The following NOSTRIN variants were observed in gnomAD, a reference collection of about 807,000 sequenced individuals.
The protein encoded by NOSTRIN is nitric oxide synthase trafficking.
A neutral mutation model predicts 59.0 loss-of-function variants in NOSTRIN; 63 were observed. That is an observed-to-expected ratio of 1.07 (90% confidence interval 0.87 to 1.32). The LOEUF (loss-of-function observed/expected upper bound fraction) is 1.32, where lower values mean the gene tolerates loss of function less well. Ranked by LOEUF, NOSTRIN falls within the 40% of genes most tolerant of loss-of-function variation. The pLI, the probability that NOSTRIN is intolerant of heterozygous loss-of-function variation, is 0.00. For missense variants in NOSTRIN, 512 were observed against 473.1 expected, an observed-to-expected ratio of 1.08 and a Z score of -0.76; for synonymous variants, 200 against 165.4, an observed-to-expected ratio of 1.21 and a Z score of -1.61.
rs189033498 is a variant in NOSTRIN at position 168,859,540 on chromosome 2, C to T, written c.1082C>T (p.Ala361Val). ...ENNLKLDLLE[A>V]NSYKLSSMLA... ...AATTTGAAACTAGACCTTTTGGAAG[C>T]GAACTCCTACAAACTGTCATCAATG... The change falls in exon 13 of 16, where the codon GCG (alanine) becomes GTG (valine). Residue 361 changes from alanine (A) to valine (V), a missense_variant. By Grantham distance (64) the Ala-to-Val change is moderately conservative (BLOSUM62 0). Transcript: ENST00000317647. 162 of 1,614,038 alleles carry T rather than the reference C, an allele frequency of 1.0e-4. No homozygotes were observed. In the Admixed American group the frequency reaches 2.1e-3, roughly 20 times the overall value.
intron 2 of NOSTRIN, among the ~76,000 whole-genome samples, chr2:168,820,718 CAAA>C (rs11452657): frequency 3.0e-5 from 4 of 133,010 alleles, no homozygotes; most frequent in Non-Finnish European, 1.6e-5. Flanking sequence ...AAAAGCTGGC[CAAA>C]AAAAAAAAAA....
intron 14 of NOSTRIN, among the ~76,000 whole-genome samples, 171 bp downstream of exon 14, chr2:168,861,080 A>AAAGTT (rs1299510617): frequency 5.3e-5 from 8 of 152,234 alleles, no homozygotes; most frequent in Non-Finnish European, 1.2e-4. Context: ...AAAATGGGAA[A>AAAGTT]AAGTTAAGAA....
chr2:168,837,300 CTTTTTTT>C (rs761309524), intron 7 of NOSTRIN, among the ~76,000 whole-genome samples: 8 of 62,176 alleles, frequency 1.3e-4, no homozygotes, highest in Admixed American at 6.1e-4. Context: ...TTTTTAACAT[CTTTTTTT>C]TTTTTTTTTT....
chr2:168,797,079 CTTTTTTTTTT>C (rs775176252), upstream of NOSTRIN, among the ~76,000 whole-genome samples: 3 of 75,032 alleles, frequency 4.0e-5, no homozygotes, highest in Non-Finnish European at 5.0e-5. Flanking sequence ...TTTCTTTTTT[CTTTTTTTTTT>C]TTTTTTTTTT....
chr2:168,863,618 GTTGAATGGGGAGTTACATT>G (rs1476227798), intron 15 of NOSTRIN: 137 of 985,152 alleles, frequency 1.4e-4, no homozygotes, highest in East Asian at 2.3e-4. Context: ...TGTCTAAGTT[GTTGAATGGGGAGTTACATT>G]TTGAATGGGG....
rs754665591 is a variant in NOSTRIN, at chr2:168,828,234, C to A, written c.260+14C>A. ...GGACCTGCATCAGTGAGTTCTCCCA[C>A]CCTGGCCTTTCTCCAACTCCAAAGG... On this transcript the variant is annotated intron_variant, in intron 4 of 15. Transcript: ENST00000317647. 2 of 872,964 alleles carry A rather than the reference C, an allele frequency of 2.3e-6. No individual in the cohort carries two copies. 54.1% of individuals were successfully genotyped at this position (872,964 alleles called of 1,614,324 possible).
chr2:168,799,453 A>G (rs916928431), upstream of NOSTRIN, among the ~76,000 whole-genome samples: 5 of 152,124 alleles, frequency 3.3e-5, no homozygotes, highest in African/African-American at 1.2e-4. Context: ...ATGCTCGGGG[A>G]CAAATGTGCT....
chr2:168,824,970 G>T (rs1376332498), intron 3 of NOSTRIN, among the ~76,000 whole-genome samples: 1 of 152,002 alleles, frequency 6.6e-6, no homozygotes, highest in Non-Finnish European at 1.5e-5. Context: ...TGTTGCCCAG[G>T]CTGGTCTTGA....
chr2:168,828,068 A>G (rs1245795280), intron 3 of NOSTRIN, 90 bp from the exon 4 acceptor site: 2 of 810,124 alleles, frequency 2.5e-6, no homozygotes, highest in African/African-American at 3.3e-5. Context: ...AATGTGGTGA[A>G]TCAGATGCGA....
intron 12 of NOSTRIN, among the ~76,000 whole-genome samples, chr2:168,858,746 C>A (rs959740196): frequency 3.3e-5 from 5 of 152,184 alleles, no homozygotes; most frequent in Admixed American, 1.3e-4. Flanking sequence ...GGCTGTGACA[C>A]CCTGGCAGGG....
chr2:168,838,830 CAG>C (rs1331944875), intron 7 of NOSTRIN, among the ~76,000 whole-genome samples: 51 of 150,386 alleles, frequency 3.4e-4, no homozygotes, highest in African/African-American at 1.2e-3. Flanking sequence ...TCTTGTTGCC[CAG>C]GCTGGAGTGC....
chr2:168,790,283 A>C (rs1202706689), intron 2 of NOSTRIN, among the ~76,000 whole-genome samples: 2 of 152,240 alleles, frequency 1.3e-5, no homozygotes, highest in African/African-American at 4.8e-5. Context: ...TTCATATGAT[A>C]AAATTAATAT....
chr2:168,821,507 T>G (rs975563671), intron 2 of NOSTRIN, among the ~76,000 whole-genome samples: 16 of 152,340 alleles, frequency 1.1e-4, no homozygotes, highest in African/African-American at 3.8e-4. Context: ...CCTAGGGATA[T>G]AGCAATGAAC....
At chr2:168,822,708 G>A (rs1686817056) in intron 2 of NOSTRIN, among the ~76,000 whole-genome samples, 1 of 152,200 alleles carries the variant, frequency 6.6e-6, no homozygotes, top group Admixed American at 6.5e-5. Flanking sequence ...TCTGTAAATA[G>A]GACATGGTAA....
chr2:168,792,112 T>C (rs1685371713), intron 2 of NOSTRIN, among the ~76,000 whole-genome samples: 1 of 152,182 alleles, frequency 6.6e-6, no homozygotes, highest in Non-Finnish European at 1.5e-5. Context: ...TTTTTATGGT[T>C]TTAGGTCTAA....
intron 1 of NOSTRIN, among the ~76,000 whole-genome samples, chr2:168,808,871 T>G (rs1467694433): frequency 6.6e-6 from 1 of 152,152 alleles, no homozygotes; most frequent in African/African-American, 2.4e-5. Context: ...TATGTTAGAA[T>G]AAATGCCTCA....
rs117802235 is a variant in NOSTRIN at position 168,856,420 on chromosome 2, C to T, written c.965-270C>T. ...TGAAACTGTGTCTCTACTAAAAATA[C>T]GAAAATTAGCCGGACATGGTGGCAT... On this transcript the variant is annotated intron_variant, in intron 11 of 15. Coordinates refer to ENST00000317647, the MANE Select transcript of NOSTRIN (RefSeq NM_001039724.4). 3.0e-3 allele frequency: 1,145 copies of T among 385,772 alleles called. 26 individuals are homozygous for T. The East Asian group carries it at 0.044, about 15-fold the overall frequency. 23.9% of individuals were successfully genotyped at this position (385,772 alleles called of 1,614,324 possible).
chr2:168,846,449 T>C (rs1213486458), intron 8 of NOSTRIN, among the ~76,000 whole-genome samples: 1 of 152,188 alleles, frequency 6.6e-6, no homozygotes, highest in African/African-American at 2.4e-5. Context: ...TGCATTGAAC[T>C]ACATTCAAGG....
upstream of NOSTRIN, among the ~76,000 whole-genome samples, chr2:168,801,802 T>C (rs185732059): frequency 1.2e-4 from 18 of 152,278 alleles, no homozygotes; most frequent in East Asian, 3.5e-3. Context: ...GAACTCAAGC[T>C]GTGGTTGAGT....
Sources: allele counts gnomAD v4.1 joint callset (sites outside exome capture counted in the v4.1 genomes callset), GRCh38; gene constraint gnomAD v4.1.1; transcripts MANE v1.5; gene names NCBI Gene and HGNC (gene_info 2026-07-23, HGNC 2026-07-21).